The following SYN3 variants were observed in gnomAD, a reference collection of about 807,000 sequenced individuals.
SYN3 encodes the protein synapsin-3.
SYN3 carries 35 observed loss-of-function variants against 65.8 expected under a neutral mutation model. The ratio of observed to expected loss-of-function variants is 0.53; its 90% CI spans 0.41 to 0.70. SYN3 has a LOEUF of 0.70. SYN3 is among the 30% of genes least tolerant of loss of function. The pLI is 0.00. For missense variants in SYN3, 680 were observed against 749.0 expected (o/e 0.91, Z 1.08); for synonymous variants, 270 against 292.9 (o/e 0.92, Z 0.80).
intron 10 of SYN3, among the ~76,000 whole-genome samples, chr22:32,530,805 C>A (rs1190827923): frequency 1.3e-5 from 2 of 151,864 alleles, no homozygotes; most frequent in African/African-American, 2.4e-5. Context: ...GAGATTGAGA[C>A]CATCCTGGCC....
chr22:32,625,304 A>G (rs1049186481), intron 6 of SYN3, among the ~76,000 whole-genome samples: 2 of 152,196 alleles, frequency 1.3e-5, no homozygotes, highest in African/African-American at 4.8e-5. Flanking sequence ...AAAACTGTGG[A>G]TATGGGGCTT....
chr22:32,679,020 A>T (rs1365586135), intron 6 of SYN3, among the ~76,000 whole-genome samples: 1 of 151,052 alleles, frequency 6.6e-6, no homozygotes, highest in African/African-American at 2.4e-5. Flanking sequence ...TATGAGCAGA[A>T]GACATTTTCT....
At chr22:32,542,657 C>T (rs1176025960) in intron 7 of SYN3, among the ~76,000 whole-genome samples, 1 of 149,694 alleles carries the variant, frequency 6.7e-6, no homozygotes, top group Non-Finnish European at 1.5e-5. Flanking sequence ...TGTGTGTGCG[C>T]GCGCACACAG....
In SYN3 at chr22:32,610,291, C is replaced by G. The variant is rs182935177; in HGVS notation, c.712-13555G>C. On this transcript the variant is annotated intron_variant, in intron 6 of 13. Coordinates refer to ENST00000358763, the MANE Select transcript of SYN3 (RefSeq NM_003490.4). Reference sequence around the variant, plus strand: ...TCAAGATTCTGTCCCCCTGCCCCCCCCAAAAAAAGAAATGTACAGTTCAGT... The same window carrying G: ...TCAAGATTCTGTCCCCCTGCCCCCCGCAAAAAAAGAAATGTACAGTTCAGT... Among the ~76,000 whole-genome samples the G allele has an allele frequency of 4.5e-3, 686 of 151,932 alleles. 5 individuals are homozygous for G. The highest frequency in any genetic ancestry group is 0.016 in the African/African-American group (644 of 41,416).
At position 32,573,277 on chromosome 22, in the gene SYN3, A is replaced by C. The variant is rs2058804388; in HGVS notation, c.774+23397T>G. Among the ~76,000 whole-genome samples the C allele has an allele frequency of 2.6e-5, 4 of 152,224 alleles. No homozygotes were observed. The South Asian group carries it at 8.3e-4, about 32-fold the overall frequency. ...TAAAATATTTAAAAGCTTGACTTTA[A>C]AGCATCCAAAAAGGACACTCAAATG... On this transcript the variant is annotated intron_variant, in intron 7 of 13. Coordinates refer to ENST00000358763, the MANE Select transcript of SYN3 (RefSeq NM_003490.4).
intron 6 of SYN3, among the ~76,000 whole-genome samples, chr22:32,730,743 A>G (rs2061259283): frequency 6.6e-6 from 1 of 152,184 alleles, no homozygotes; most frequent in East Asian, 1.9e-4. Flanking sequence ...ATTTGTTACA[A>G]AGCACACAGA....
At position 32,915,543 on chromosome 22, in the gene SYN3, G is replaced by A. The variant is rs193101415; in HGVS notation, c.461+15847C>T. Among the ~76,000 whole-genome samples, 297 of 152,290 alleles carry A rather than the reference G, an allele frequency of 2.0e-3. 3 individuals are homozygous for A. Among genetic ancestry groups the A allele is most frequent in the African/African-American group, 6.9e-3 (285 of 41,560 alleles). ...GAAGTGGTAATATTTGAGCAAGGCCGAAATGTAGTGAAGGGGAGAGCCATG... is the reference window on the plus strand; with the variant it reads ...GAAGTGGTAATATTTGAGCAAGGCCAAAATGTAGTGAAGGGGAGAGCCATG... On this transcript the variant is annotated intron_variant, in intron 4 of 13. Coordinates refer to ENST00000358763, the MANE Select transcript of SYN3 (RefSeq NM_003490.4).
chr22:33,018,542 A>T (rs2053508760), intron 1 of SYN3, among the ~76,000 whole-genome samples: 1 of 152,216 alleles, frequency 6.6e-6, no homozygotes, highest in African/African-American at 2.4e-5. Context: ...CTTCACTGGG[A>T]AAGGTTAAAT....
At chr22:32,851,548 C>T (rs1255581109) in intron 6 of SYN3, among the ~76,000 whole-genome samples, 5 of 152,148 alleles carry the variant, frequency 3.3e-5, no homozygotes, top group African/African-American at 4.8e-5. Context: ...CTTAGGCTTT[C>T]GGTTCACCAT....
intron 7 of SYN3, among the ~76,000 whole-genome samples, chr22:32,571,091 A>C (rs1429727233): frequency 6.6e-6 from 1 of 152,184 alleles, no homozygotes; most frequent in Non-Finnish European, 1.5e-5. Context: ...GGTGTCCTAA[A>C]TCATGACCAC....
chr22:32,865,606 C>A (rs1196293084), intron 5 of SYN3, among the ~76,000 whole-genome samples: 5 of 152,218 alleles, frequency 3.3e-5, no homozygotes, highest in East Asian at 1.9e-4. Context: ...TAAATATTTT[C>A]TCTGCTGTTG....
At chr22:32,882,040 C>T (rs537811443) in intron 4 of SYN3, among the ~76,000 whole-genome samples, 117 of 136,814 alleles carry the variant, frequency 8.6e-4, no homozygotes, top group African/African-American at 3.1e-3. Flanking sequence ...GGCGACAGAG[C>T]GAGACTCTGT....
intron 3 of SYN3, among the ~76,000 whole-genome samples, chr22:32,936,500 A>G (rs941370321): frequency 9.2e-5 from 14 of 151,992 alleles, no homozygotes; most frequent in African/African-American, 3.4e-4. Flanking sequence ...AAAACAAACA[A>G]ACAAACAAAC....
intron 6 of SYN3, among the ~76,000 whole-genome samples, chr22:32,753,214 G>A (rs1173994167): frequency 6.6e-6 from 1 of 152,160 alleles, no homozygotes; most frequent in African/African-American, 2.4e-5. Flanking sequence ...GGGTCAGGTT[G>A]TATGAAAGGT....
chr22:32,962,798 C>T (rs1030703958), intron 3 of SYN3, among the ~76,000 whole-genome samples: 7 of 136,540 alleles, frequency 5.1e-5, no homozygotes, highest in South Asian at 2.5e-4. Flanking sequence ...GGCAGAGTAT[C>T]GGCATCTATC....
intron 6 of SYN3, among the ~76,000 whole-genome samples, chr22:32,616,417 G>A (rs1285956038): frequency 6.6e-6 from 1 of 152,214 alleles, no homozygotes; most frequent in Non-Finnish European, 1.5e-5. Context: ...AGTCATTGCT[G>A]ACACCTGGTG....
chr22:32,560,020 G>A lies in SYN3; in HGVS notation c.775-18307C>T, dbSNP rs1173903934. ...CTGGGAAGGGCAAAACGCCTCCAGT[G>A]AGCATGCGCACAACTTCAGTAAACA... On this transcript the variant is annotated intron_variant, in intron 7 of 13. Coordinates refer to ENST00000358763, the MANE Select transcript of SYN3 (RefSeq NM_003490.4). Among the ~76,000 whole-genome samples the A allele has an allele frequency of 2.0e-5, 3 of 152,290 alleles. No individual in the cohort carries two copies. In the South Asian group the frequency reaches 6.2e-4, roughly 32 times the overall value.
At chr22:32,896,892 T>C (rs1345900147) in intron 4 of SYN3, among the ~76,000 whole-genome samples, 1 of 152,182 alleles carries the variant, frequency 6.6e-6, no homozygotes, top group East Asian at 1.9e-4. Context: ...CTCCAAAAAA[T>C]GCAAGACATT....
At chr22:32,554,101 G>A (rs2058455991) in intron 7 of SYN3, among the ~76,000 whole-genome samples, 1 of 152,208 alleles carries the variant, frequency 6.6e-6, no homozygotes, top group Non-Finnish European at 1.5e-5. Context: ...ACCAGTGTCT[G>A]TTGAAGCTCT....
Sources: gnomAD v4.1 joint callset for allele counts (sites outside exome capture counted in the v4.1 genomes callset) on GRCh38, gnomAD v4.1.1 for gene constraint, MANE v1.5 for transcripts, NCBI Gene and HGNC (gene_info 2026-07-23, HGNC 2026-07-21) for gene names.